Variants in MAGI2 observed in about 807,000 individuals in gnomAD.
The protein encoded by MAGI2 is membrane associated guanylate kinase, WW and PDZ domain containing 2.
Under a neutral mutation model 133.3 loss-of-function variants are expected in MAGI2, and 35 were observed. The ratio of observed to expected loss-of-function variants is 0.26; its 90% CI spans 0.20 to 0.35. The LOEUF (loss-of-function observed/expected upper bound fraction) is 0.35, where lower values mean the gene tolerates loss of function less well. Ranked by LOEUF, MAGI2 falls within the 10% of genes least tolerant of loss-of-function variation. The probability of loss-of-function intolerance (pLI) is 1.00; values close to 1 mark genes in which losing one functional copy is unlikely to be tolerated. For missense variants in MAGI2, 1,636 were observed against 1,863.4 expected (o/e 0.88, Z 2.25); for synonymous variants, 729 against 710.6 (o/e 1.03, Z -0.41).
At chr7:79,145,890 G>T (rs1223716039) in intron 1 of MAGI2, among the ~76,000 whole-genome samples, 1 of 152,194 alleles carries the variant, frequency 6.6e-6, no homozygotes, top group African/African-American at 2.4e-5. Flanking sequence ...TCATGCTCAT[G>T]CAGAGCCCTG....
At chr7:79,320,831 G>A (rs1489766942) in intron 1 of MAGI2, among the ~76,000 whole-genome samples, 2 of 151,962 alleles carry the variant, frequency 1.3e-5, no homozygotes, top group Non-Finnish European at 2.9e-5. Flanking sequence ...AGTTACTGCT[G>A]GATTCATGTA....
chr7:78,275,715 G>C (rs1433815330), intron 9 of MAGI2, among the ~76,000 whole-genome samples: 2 of 152,152 alleles, frequency 1.3e-5, no homozygotes, highest in Non-Finnish European at 2.9e-5. Flanking sequence ...TTAAGTCTTA[G>C]TTTTTCATGA....
Position 78,019,392 on chromosome 7 carries a change from G to C in MAGI2, c.4291C>G (p.Pro1431Ala), listed in dbSNP as rs1808060142. 1 of 1,224,186 alleles carries C rather than the reference G, an allele frequency of 8.2e-7. No homozygotes were observed. The highest frequency in any genetic ancestry group is 1.0e-6 in the Non-Finnish European group (1 of 983,786). The allele number at this position is 1,224,186 out of a possible 1,614,324, so 75.8% of individuals were successfully genotyped here. Residue 1431 changes from proline (P) to alanine (A), a missense_variant, in exon 22 of 22, where the codon CCG becomes GCG. Physicochemically the swap from Pro to Ala is conservative, Grantham distance 27. This residue lies in a region of MAGI2 where 354 missense variants were observed against 298.7 expected (regional missense o/e 1.19). Coordinates refer to ENST00000354212, the MANE Select transcript of MAGI2 (RefSeq NM_012301.4). Reference sequence around the variant, plus strand: ...GAACCCGGCACCTTCCAGGGCCCCGGCGCGACGGCGGCCTTGCGCGCCGGG... The same window carrying C: ...GAACCCGGCACCTTCCAGGGCCCCGCCGCGACGGCGGCCTTGCGCGCCGGG... ...GAPARKAAVA[P>A]GPWKVPGSDK...
At chr7:79,193,036 C>T (rs940855262) in intron 1 of MAGI2, among the ~76,000 whole-genome samples, 8 of 151,776 alleles carry the variant, frequency 5.3e-5, no homozygotes, top group Non-Finnish European at 1.0e-4. Flanking sequence ...ATCTCAAACT[C>T]CTTCTCCTCA....
intron 16 of MAGI2, 105 bp downstream of exon 16, chr7:78,159,920 A>C: frequency 1.4e-6 from 2 of 1,417,968 alleles, no homozygotes; most frequent in Non-Finnish European, 1.9e-6. Context: ...CAGGCTATAC[A>C]GTATGTCCGT....
intron 1 of MAGI2, among the ~76,000 whole-genome samples, chr7:79,142,654 G>C (rs980789826): frequency 3.3e-5 from 5 of 152,078 alleles, no homozygotes; most frequent in Admixed American, 1.3e-4. Context: ...AGATATATAG[G>C]CATTTACCAG....
At chr7:78,678,911 C>G (rs1364001979) in intron 2 of MAGI2, among the ~76,000 whole-genome samples, 1 of 151,978 alleles carries the variant, frequency 6.6e-6, no homozygotes, top group African/African-American at 2.4e-5. Context: ...TAACATTATT[C>G]CACTTTCAAA....
chr7:78,345,323 C>T (rs567522010), intron 8 of MAGI2: 9 of 152,444 alleles, frequency 5.9e-5, no homozygotes, highest in African/African-American at 2.2e-4. Flanking sequence ...CCTCCCGACT[C>T]TAAAGGCTGT....
At chr7:79,079,930 A>C (rs548768243) in intron 1 of MAGI2, among the ~76,000 whole-genome samples, 1 of 152,168 alleles carries the variant, frequency 6.6e-6, no homozygotes, top group Non-Finnish European at 1.5e-5. Context: ...CTCCTTTAAA[A>C]ATAGTGAGGT....
chr7:78,791,969 A>C (rs1177191289), intron 2 of MAGI2, among the ~76,000 whole-genome samples: 5 of 152,210 alleles, frequency 3.3e-5, no homozygotes, highest in African/African-American at 1.2e-4. Context: ...AATGATCTTT[A>C]TTTTTAAAAA....
intron 6 of MAGI2, among the ~76,000 whole-genome samples, chr7:78,439,645 T>C (rs577215857): frequency 2.0e-5 from 3 of 152,272 alleles, no homozygotes; most frequent in African/African-American, 7.2e-5. Context: ...TAAAGCATAC[T>C]TTATGGCTAG....
At chr7:79,214,349 T>C (rs1385521928) in intron 1 of MAGI2, among the ~76,000 whole-genome samples, 3 of 134,670 alleles carry the variant, frequency 2.2e-5, no homozygotes, top group Admixed American at 7.9e-5. Context: ...ATGTCATTTC[T>C]GCATTACGCA....
intron 1 of MAGI2, among the ~76,000 whole-genome samples, chr7:79,373,083 G>A (rs1337004687): frequency 3.3e-5 from 5 of 151,934 alleles, no homozygotes; most frequent in Non-Finnish European, 7.4e-5. Context: ...GTTAACTGCT[G>A]AATTTGCAAC....
At chr7:78,719,017 T>C (rs113564488) in intron 2 of MAGI2, among the ~76,000 whole-genome samples, 2 of 152,294 alleles carry the variant, frequency 1.3e-5, no homozygotes, top group Non-Finnish European at 2.9e-5. Context: ...TGTGTATGTA[T>C]TGAATAACAG....
intron 2 of MAGI2, among the ~76,000 whole-genome samples, chr7:78,841,892 T>C (rs147596349): frequency 2.9e-3 from 436 of 152,104 alleles, no homozygotes; most frequent in Non-Finnish European, 4.7e-3. Context: ...GCTTCTACTG[T>C]ATTTCCTTAG....
chr7:79,006,456 G>A (rs1807458099), intron 2 of MAGI2, among the ~76,000 whole-genome samples: 1 of 152,138 alleles, frequency 6.6e-6, no homozygotes, highest in Non-Finnish European at 1.5e-5. Flanking sequence ...ATTTTCAGGT[G>A]AGCTGTAACA....
chr7:78,754,125 C>T (rs1215486574), intron 2 of MAGI2, among the ~76,000 whole-genome samples: 4 of 152,018 alleles, frequency 2.6e-5, no homozygotes, highest in Admixed American at 2.6e-4. Flanking sequence ...GCCTGTAATC[C>T]CAGCACTTTG....
intron 1 of MAGI2, among the ~76,000 whole-genome samples, chr7:79,344,507 G>A (rs965404654): frequency 6.6e-6 from 1 of 152,104 alleles, no homozygotes; most frequent in African/African-American, 2.4e-5. Context: ...TGGCATTTCA[G>A]TCAGGTTTAC....
intron 2 of MAGI2, among the ~76,000 whole-genome samples, chr7:78,734,371 C>T (rs1376649140): frequency 6.6e-6 from 1 of 152,126 alleles, no homozygotes; most frequent in Non-Finnish European, 1.5e-5. Flanking sequence ...AGCACTAAAA[C>T]CTGCCTAAGG....
Sources: allele counts gnomAD v4.1 joint callset (sites outside exome capture counted in the v4.1 genomes callset), GRCh38; gene constraint gnomAD v4.1.1; regional missense constraint gnomAD v4.1.1; transcripts MANE v1.5; gene names NCBI Gene and HGNC (gene_info 2026-07-23, HGNC 2026-07-21).